WDR72: variants seen among roughly 807,000 people sequenced by gnomAD.
The protein encoded by WDR72 is WD repeat-containing protein 72.
Under a neutral mutation model 124.2 loss-of-function variants are expected in WDR72, and 120 were observed. That is an observed-to-expected ratio of 0.97 (90% CI 0.83 to 1.12). The LOEUF (loss-of-function observed/expected upper bound fraction) is 1.12, where lower values mean the gene tolerates loss of function less well. WDR72 is among the 50% of genes most tolerant of loss of function. The probability of loss-of-function intolerance (pLI) is 0.00; values close to 1 mark genes in which losing one functional copy is unlikely to be tolerated. For missense variants in WDR72, 1,387 were observed against 1,278.8 expected, an observed-to-expected ratio of 1.08 and a Z score of -1.29; for synonymous variants, 452 against 441.7, an observed-to-expected ratio of 1.02 and a Z score of -0.29.
chr15:53,633,524 C>T (rs2014509934), intron 14 of WDR72, among the ~76,000 whole-genome samples: 1 of 152,032 alleles, frequency 6.6e-6, no homozygotes, highest in South Asian at 2.1e-4. Flanking sequence ...AATAAACAAT[C>T]CAAAAATAAA....
chr15:53,650,741 C>G (rs1288038853), intron 14 of WDR72, among the ~76,000 whole-genome samples: 1 of 152,098 alleles, frequency 6.6e-6, no homozygotes, highest in Non-Finnish European at 1.5e-5. Flanking sequence ...TATAGGTCAA[C>G]TAGAGCACAT....
At chr15:53,597,592 C>G (rs1308572853) in intron 17 of WDR72, among the ~76,000 whole-genome samples, 1 of 152,008 alleles carries the variant, frequency 6.6e-6, no homozygotes, top group Admixed American at 6.6e-5. Flanking sequence ...TCATTTCCAC[C>G]AGAAGATAAA....
chr15:53,656,989 G>A lies in WDR72; in HGVS notation c.1962+8583C>T, dbSNP rs116984335. 4.5e-4 allele frequency among the ~76,000 whole-genome samples: 68 copies of A among 152,102 alleles called. No homozygotes were observed. In the East Asian group the frequency reaches 9.9e-3, roughly 22 times the overall value. ...TTTTTAAAAAGGAAAAACAGGCCTC[G>A]CATGGTGGCTCATGCCTGTAATCCC... On this transcript the variant is annotated intron_variant, in intron 14 of 19. Transcript: ENST00000360509.
intron 13 of WDR72, among the ~76,000 whole-genome samples, chr15:53,682,032 T>G (rs1030383423): frequency 7.2e-5 from 11 of 152,214 alleles, no homozygotes; most frequent in Non-Finnish European, 1.5e-4. Flanking sequence ...ACAAAAACTC[T>G]AAATTTGGGG....
chr15:53,550,356 T>C (rs1893678601), intron 18 of WDR72, among the ~76,000 whole-genome samples: 1 of 152,190 alleles, frequency 6.6e-6, no homozygotes, highest in African/African-American at 2.4e-5. Flanking sequence ...CAAAAACAGA[T>C]AGCAGGCTGA....
chr15:53,752,277 C>T (rs1394708829), intron 1 of WDR72, among the ~76,000 whole-genome samples: 1 of 152,128 alleles, frequency 6.6e-6, no homozygotes, highest in East Asian at 1.9e-4. Flanking sequence ...TATGTTGAAG[C>T]CCTAACTCGG....
chr15:53,613,247 G>GT (rs1342360076), intron 16 of WDR72, among the ~76,000 whole-genome samples: 1 of 151,928 alleles, frequency 6.6e-6, no homozygotes, highest in Admixed American at 6.6e-5. Context: ...CATTTATTTG[G>GT]TAATAAAGAT....
At chr15:53,578,852 A>C (rs925450365) in intron 18 of WDR72, among the ~76,000 whole-genome samples, 1 of 152,172 alleles carries the variant, frequency 6.6e-6, no homozygotes, top group Non-Finnish European at 1.5e-5. Context: ...CAGAATGTCA[A>C]CTAAGTCTCA....
chr15:53,737,601 A>G (rs981837486), intron 1 of WDR72, among the ~76,000 whole-genome samples: 6 of 152,190 alleles, frequency 3.9e-5, no homozygotes. Context: ...GTCATTCACC[A>G]GAAAAGGATA....
chr15:53,663,667 C>T (rs934435882), intron 14 of WDR72, among the ~76,000 whole-genome samples: 8 of 152,010 alleles, frequency 5.3e-5, no homozygotes, highest in Admixed American at 6.6e-5. Flanking sequence ...GACATTCCCC[C>T]GGTTCTCAGC....
At chr15:53,527,872 A>AG (rs1892213612) in intron 18 of WDR72, among the ~76,000 whole-genome samples, 1 of 152,062 alleles carries the variant, frequency 6.6e-6, no homozygotes, top group Non-Finnish European at 1.5e-5. Context: ...CAAAGTTACT[A>AG]GCTCAATATG....
chr15:53,686,740 C>T (rs2016643556), intron 13 of WDR72, among the ~76,000 whole-genome samples: 1 of 149,672 alleles, frequency 6.7e-6, no homozygotes, highest in African/African-American at 2.5e-5. Flanking sequence ...CTCTCCACCC[C>T]AAATCAACAG....
chr15:53,534,437 T>C (rs907305913), intron 18 of WDR72, among the ~76,000 whole-genome samples: 1 of 152,146 alleles, frequency 6.6e-6, no homozygotes, highest in African/African-American at 2.4e-5. Flanking sequence ...AATTCACTGA[T>C]TTCCACTCCC....
chr15:53,641,503 C>T (rs1008513587), intron 14 of WDR72, among the ~76,000 whole-genome samples: 4 of 151,966 alleles, frequency 2.6e-5, no homozygotes, highest in Admixed American at 2.0e-4. Flanking sequence ...ATTTTATAAT[C>T]AACTCATTGG....
chr15:53,717,488 T>A (rs2017745964), intron 3 of WDR72, among the ~76,000 whole-genome samples: 2 of 152,182 alleles, frequency 1.3e-5, no homozygotes. Flanking sequence ...AACAACTGTA[T>A]GCATTTGGTG....
At chr15:53,759,792 C>G (rs1179137093), upstream of WDR72, 1 of 151,478 alleles carries the variant, frequency 6.6e-6, no homozygotes, top group Non-Finnish European at 1.5e-5. Context: ...CAGCCGCCCG[C>G]GGGCGGGTGC....
At chr15:53,656,916 T>C (rs1230814121) in intron 14 of WDR72, among the ~76,000 whole-genome samples, 1 of 152,212 alleles carries the variant, frequency 6.6e-6, no homozygotes, top group East Asian at 1.9e-4. Context: ...GGTCATCTTT[T>C]GGGTACTACA....
upstream of WDR72, among the ~76,000 whole-genome samples, chr15:53,760,524 T>A (rs1294119549): frequency 6.6e-6 from 1 of 152,206 alleles, no homozygotes; most frequent in East Asian, 1.9e-4. Flanking sequence ...TTTCTTTATA[T>A]GGCTGAATAG....
intron 19 of WDR72, among the ~76,000 whole-genome samples, chr15:53,520,175 G>A (rs1415893827): frequency 6.6e-6 from 1 of 152,098 alleles, no homozygotes; most frequent in Non-Finnish European, 1.5e-5. Flanking sequence ...TTGCAAAGAA[G>A]AGAATTTATG....
Sources: gnomAD v4.1 joint callset for allele counts (sites outside exome capture counted in the v4.1 genomes callset) on GRCh38, gnomAD v4.1.1 for gene constraint, MANE v1.5 for transcripts, NCBI Gene and HGNC (gene_info 2026-07-23, HGNC 2026-07-21) for gene names.